CD24: variants seen among roughly 807,000 people sequenced by gnomAD.
CD24 encodes the protein signal transducer CD24.
CD24 carries 2 observed loss-of-function variants against 3.6 expected under a neutral mutation model. The observed-to-expected ratio is 0.56, with a 90% CI of 0.23 to 1.77. CD24 has a LOEUF of 1.77. Ranked by LOEUF, CD24 falls within the 40% of genes most tolerant of loss-of-function variation. The pLI, the probability that CD24 is intolerant of heterozygous loss-of-function variation, is 0.18. For synonymous variants in CD24, 33 were observed against 44.9 expected (o/e 0.74, Z 1.06); for missense variants, 62 against 93.6 (o/e 0.66, Z 1.39).
chr6:106,974,589 G>A lies in CD24; in HGVS notation c.58C>T (p.Leu20=), dbSNP rs906942985. 1.1e-3 allele frequency: 1,599 copies of A among 1,452,988 alleles called. 1 individual carries two copies. Among genetic ancestry groups the A allele is most frequent in the Non-Finnish European group, 1.4e-3 (1,516 of 1,112,210 alleles). The allele number at this position is 1,452,988 out of a possible 1,614,324, so 90.0% of individuals were successfully genotyped here. The change falls in exon 1 of 2, where the codon CTA becomes TTA. Residue 20 remains leucine (L), a synonymous_variant. Transcript: ENST00000606017. ...GLGLLLLALL[L]PTQIYSSETT... ...CGCCAGGGCCTCACCTGCGTGGGTA[G>A]GAGCAGTGCCAGCAGCAGCAGCCCC...
At chr6:106,974,308 C>T (rs1273148920) in intron 1 of CD24, among the ~76,000 whole-genome samples, 1 of 152,180 alleles carries the variant, frequency 6.6e-6, no homozygotes, top group Admixed American at 6.5e-5. Context: ...GAAGGGACAG[C>T]GTGGAACCTG....
upstream of CD24, among the ~76,000 whole-genome samples, chr6:106,976,363 G>A (rs1457600717): frequency 6.6e-6 from 1 of 152,146 alleles, no homozygotes; most frequent in Non-Finnish European, 1.5e-5. Context: ...TAAGTTTCAG[G>A]GAAGCAAAGT....
At chr6:106,975,266 G>C (rs1240025980), upstream of CD24, 1 of 152,034 alleles carries the variant, frequency 6.6e-6, no homozygotes, top group African/African-American at 2.4e-5. Flanking sequence ...GCGACCGCGT[G>C]GGGGGCGGGC....
rs1253136805 is a variant in CD24 at position 106,970,266 on chromosome 6, CAA to C, written c.*1393_*1394del. 15 of 152,446 alleles carry C rather than the reference CAA, an allele frequency of 9.8e-5. No individual in the cohort carries two copies. The highest frequency in any genetic ancestry group is 3.4e-4 in the African/African-American group (14 of 41,384). 9.4% of individuals were successfully genotyped at this position (152,446 alleles called of 1,614,324 possible). A position where few individuals can be genotyped will look rare whatever the true frequency, so the allele number is the denominator to read the frequency against. ...ACTATCTAAAAATATTGACTGATAA[CAA>C]AAAGTGTTCTAAATGTGGCTATTCT... On this transcript the variant is annotated 3_prime_UTR_variant, in exon 2 of 2. Coordinates refer to ENST00000606017, the MANE Select transcript of CD24 (RefSeq NM_001359084.1).
chr6:106,974,754 C>T, upstream of CD24: 1 of 1,162,744 alleles, frequency 8.6e-7, no homozygotes, highest in Non-Finnish European at 1.2e-6. Flanking sequence ...GCCGGCGAGA[C>T]CTTATATACC....
rs1772969515 is a variant in CD24 at position 106,971,451 on chromosome 6, T to C, written c.*210A>G. ...GTACATGAAACTCCAGCAGATTTAA[T>C]ATTGGCATCCATCATCTAGTCAAAC... is the stretch of plus-strand genomic sequence containing the variant. On this transcript the variant is annotated 3_prime_UTR_variant, in exon 2 of 2. Transcript: ENST00000606017. The C allele has an allele frequency of 5.6e-6, 3 of 537,084 alleles. No homozygotes were observed. Among genetic ancestry groups the C allele is most frequent in the Non-Finnish European group, 9.7e-6 (3 of 308,396 alleles). The allele number at this position is 537,084 out of a possible 1,614,324, so 33.3% of individuals were successfully genotyped here.
At position 106,971,343 on chromosome 6, in the gene CD24, T is replaced by C. The variant is rs1772967209; in HGVS notation, c.*318A>G. Reference sequence around the variant, plus strand: ...TTTATTTCTATTCTTATTTTCAAGGTAGTATTAAGTGTCCATATTTCTCAA... The same window carrying C: ...TTTATTTCTATTCTTATTTTCAAGGCAGTATTAAGTGTCCATATTTCTCAA... On this transcript the variant is annotated 3_prime_UTR_variant, in exon 2 of 2. Coordinates refer to ENST00000606017, the MANE Select transcript of CD24 (RefSeq NM_001359084.1). 1.1e-5 allele frequency: 3 copies of C among 282,878 alleles called. No individual in the cohort carries two copies. Among genetic ancestry groups the C allele is most frequent in the African/African-American group, 2.3e-5 (1 of 43,472 alleles). 17.5% of individuals were successfully genotyped at this position (282,878 alleles called of 1,614,324 possible). A position where few individuals can be genotyped will look rare whatever the true frequency, so the allele number is the denominator to read the frequency against.
In CD24 at chr6:106,970,174, T is replaced by A. The variant is rs1407780388; in HGVS notation, c.*1487A>T. 1 of 152,430 alleles carries A rather than the reference T, an allele frequency of 6.6e-6. No individual in the cohort carries two copies. Among genetic ancestry groups the A allele is most frequent in the Admixed American group, 6.5e-5 (1 of 15,278 alleles). The allele number at this position is 152,430 out of a possible 1,614,324, so 9.4% of individuals were successfully genotyped here. A position where few individuals can be genotyped will look rare whatever the true frequency, so the allele number is the denominator to read the frequency against. On this transcript the variant is annotated 3_prime_UTR_variant, in exon 2 of 2. Coordinates refer to ENST00000606017, the MANE Select transcript of CD24 (RefSeq NM_001359084.1). ...GTCTATTTTTAAAAAGGTTTATGTG[T>A]GTCGAGGCAGTTGTAAAAGATTTAC... is the stretch of plus-strand genomic sequence containing the variant.
intron 1 of CD24, among the ~76,000 whole-genome samples, 195 bp downstream of exon 1, chr6:106,974,383 G>A (rs1054543347): frequency 6.6e-6 from 1 of 152,210 alleles, no homozygotes; most frequent in Non-Finnish European, 1.5e-5. Context: ...GTGGGAGGAG[G>A]GGGGGCAGCA....
chr6:106,970,423 AT>A lies in CD24; in HGVS notation c.*1237del, dbSNP rs1772941619. ...TGATTTATAGTTTTGACTCCTTTAC[AT>A]TTTTGCCTTCTTAATTTCAAGATTT... is the stretch of plus-strand genomic sequence containing the variant. On this transcript the variant is annotated 3_prime_UTR_variant, in exon 2 of 2. Coordinates refer to ENST00000606017, the MANE Select transcript of CD24 (RefSeq NM_001359084.1). 2 of 152,598 alleles carry A rather than the reference AT, an allele frequency of 1.3e-5. No individual in the cohort carries two copies. Among genetic ancestry groups the A allele is most frequent in the Non-Finnish European group, 2.9e-5 (2 of 68,042 alleles). The allele number at this position is 152,598 out of a possible 1,614,324, so 9.5% of individuals were successfully genotyped here. A position where few individuals can be genotyped will look rare whatever the true frequency, so the allele number is the denominator to read the frequency against.
At chr6:106,974,939 C>T (rs1311504820), upstream of CD24, among the ~76,000 whole-genome samples, 6 of 148,180 alleles carry the variant, frequency 4.0e-5, no homozygotes, top group Non-Finnish European at 3.0e-5. Flanking sequence ...CCCGGGCGGG[C>T]GCCGCTGCAG....
intron 1 of CD24, chr6:106,973,785 C>G: frequency 2.5e-6 from 1 of 398,424 alleles, no homozygotes; most frequent in Non-Finnish European, 4.4e-6. Context: ...GTACCCGCAC[C>G]CGGGGCGAGG....
intron 1 of CD24, among the ~76,000 whole-genome samples, chr6:106,973,231 A>G (rs1670980861): frequency 6.6e-6 from 1 of 152,324 alleles, no homozygotes; most frequent in East Asian, 1.9e-4. Flanking sequence ...TACACCAACA[A>G]AAAAATTATG....
upstream of CD24, chr6:106,974,796 G>A: frequency 1.4e-6 from 1 of 713,460 alleles, no homozygotes; most frequent in Non-Finnish European, 2.1e-6. Context: ...ACGTGGCGCC[G>A]CCCGCCCACC....
At chr6:106,974,151 G>A (rs1773044437) in intron 1 of CD24, 1 of 386,126 alleles carries the variant, frequency 2.6e-6, no homozygotes. Flanking sequence ...GTAGAGCGCG[G>A]GGAGCGCGAA....
rs1435628486 is a variant in CD24 at position 106,970,671 on chromosome 6, G to A, written c.*990C>T. On this transcript the variant is annotated 3_prime_UTR_variant, in exon 2 of 2. Transcript: ENST00000606017. ...TACTAAAATTACAAAAATTAGCCGG[G>A]CATGGTGGCAGGTGCCTGTAATCCC... 4 of 152,120 alleles carry A rather than the reference G, an allele frequency of 2.6e-5. No individual in the cohort carries two copies. Among genetic ancestry groups the A allele is most frequent in the Non-Finnish European group, 4.4e-5 (3 of 68,030 alleles). 9.4% of individuals were successfully genotyped at this position (152,120 alleles called of 1,614,324 possible). A position where few individuals can be genotyped will look rare whatever the true frequency, so the allele number is the denominator to read the frequency against.
intron 1 of CD24, chr6:106,973,390 C>T: frequency 2.9e-6 from 1 of 350,236 alleles, no homozygotes; most frequent in Non-Finnish European, 5.1e-6. Flanking sequence ...CTCGCAGCCG[C>T]GCCCCTCCCC....
At chr6:106,976,827 A>G (rs1773114056), upstream of CD24, among the ~76,000 whole-genome samples, 1 of 152,108 alleles carries the variant, frequency 6.6e-6, no homozygotes, top group Non-Finnish European at 1.5e-5. Context: ...AGATCAGGCC[A>G]TTGCATTCCA....
intron 1 of CD24, 135 bp downstream of exon 1, chr6:106,974,443 C>A: frequency 1.8e-6 from 1 of 553,492 alleles, no homozygotes; most frequent in Non-Finnish European, 3.0e-6. Flanking sequence ...CCCTGGTCAG[C>A]TAAGCAAGAT....
Sources: allele counts gnomAD v4.1 joint callset (sites outside exome capture counted in the v4.1 genomes callset), GRCh38; gene constraint gnomAD v4.1.1; transcripts MANE v1.5; gene names NCBI Gene and HGNC (gene_info 2026-07-23, HGNC 2026-07-21).